Variants in SYNRG observed in about 807,000 individuals in gnomAD.
SYNRG encodes the protein synergin gamma.
Under a neutral mutation model 130.9 loss-of-function variants are expected in SYNRG, and 37 were observed. The ratio of observed to expected loss-of-function variants is 0.28; its 90% CI spans 0.22 to 0.37. The LOEUF is 0.37. SYNRG is among the 10% of genes least tolerant of loss of function. The pLI, the probability that SYNRG is intolerant of heterozygous loss-of-function variation, is 1.00. For synonymous variants in SYNRG, 539 were observed against 568.1 expected (o/e 0.95, Z 0.73); for missense variants, 1,338 against 1,588.9 (o/e 0.84, Z 2.68).
At chr17:37,565,777 C>T (rs1278586264) in intron 11 of SYNRG, among the ~76,000 whole-genome samples, 1 of 148,446 alleles carries the variant, frequency 6.7e-6, no homozygotes, top group Non-Finnish European at 1.5e-5. Flanking sequence ...CCGGCCGCCC[C>T]GTCTGAGAAG....
rs762479254 is a variant in SYNRG, at chr17:37,553,553, G to A, written c.2170C>T (p.Leu724=). The change falls in exon 14 of 22, where the codon CTA becomes TTA. Residue 724 remains leucine, a synonymous_variant. Transcript: ENST00000612223. ...ALKEEASPVP[L]TSNVGSTVKG... The stretch of plus-strand genomic sequence containing the variant: ...ACTGTGCTGCCCACGTTGCTGGTTA[G>A]AGGAACAGGACTGGCTTCCTCTTTA... 2.5e-6 allele frequency: 4 copies of A among 1,614,202 alleles called. 1 individual carries two copies. In the South Asian group the frequency reaches 3.3e-5, roughly 13 times the overall value.
At chr17:37,535,041 A>T (rs1438435861) in intron 19 of SYNRG, among the ~76,000 whole-genome samples, 1 of 152,228 alleles carries the variant, frequency 6.6e-6, no homozygotes, top group East Asian at 1.9e-4. Context: ...TGCCCAATGA[A>T]ATGTAAAAAA....
intron 19 of SYNRG, among the ~76,000 whole-genome samples, chr17:37,526,422 G>A (rs935570975): frequency 3.9e-5 from 6 of 152,198 alleles, no homozygotes; most frequent in African/African-American, 1.4e-4. Context: ...CTAGACACAG[G>A]TTCCATAGGC....
At position 37,542,109 on chromosome 17, in the gene SYNRG, T is replaced by C. The variant is rs1315369080; in HGVS notation, c.3065A>G (p.Asp1022Gly). The change falls in exon 15 of 22, where the codon GAT (aspartate) becomes GGT (glycine). Residue 1022 changes from aspartate to glycine, a missense_variant. Transcript: ENST00000612223. ...TTCACTTTGAAACTCTCCAAAGTCA[T>C]CCGAACATTCGTTCGGGGTTTCTTG... The part of the protein sequence containing the change: ...ASQETPNECS[D>G]DFGEFQSEKP... 6.2e-7 allele frequency: 1 copy of C among 1,614,232 alleles called. No homozygotes were observed. Among genetic ancestry groups the C allele is most frequent in the South Asian group, 1.1e-5 (1 of 91,086 alleles).
At chr17:37,533,046 G>A (rs2056801694) in intron 19 of SYNRG, among the ~76,000 whole-genome samples, 2 of 151,806 alleles carry the variant, frequency 1.3e-5, no homozygotes, top group African/African-American at 4.8e-5. Context: ...TTTTTTGAAG[G>A]CAATGTTGAT....
chr17:37,540,422 G>C lies in SYNRG; in HGVS notation c.3324C>G (p.Pro1108=), dbSNP rs560053275. 3.7e-6 allele frequency: 6 copies of C among 1,613,778 alleles called. No homozygotes were observed. Among genetic ancestry groups the C allele is most frequent in the South Asian group, 1.1e-5 (1 of 91,054 alleles). The change falls in exon 16 of 22, where the codon CCC becomes CCG. Residue 1108 remains proline, a synonymous_variant. Transcript: ENST00000612223. ...SNTLNEKPAL[P]VIRDKYKDLT... ...GGTCTTTGTACTTGTCTCGGATGAC[G>C]GGCAGGGCGGGCTTCTCATTCAGAG... is the stretch of plus-strand genomic sequence containing the variant.
chr17:37,555,365 G>C (rs2145447481), intron 13 of SYNRG, among the ~76,000 whole-genome samples: 1 of 152,348 alleles, frequency 6.6e-6, no homozygotes, highest in East Asian at 1.9e-4. Context: ...GACCTCGGCT[G>C]ATCCACCTGC....
chr17:37,524,471 C>T (rs967798253), intron 19 of SYNRG, among the ~76,000 whole-genome samples: 8 of 152,232 alleles, frequency 5.3e-5, no homozygotes, highest in Admixed American at 2.6e-4. Flanking sequence ...GAAGAACACA[C>T]GGTTTTCAGA....
intron 17 of SYNRG, 178 bp downstream of exon 17, chr17:37,539,014 T>C: frequency 3.1e-6 from 3 of 983,456 alleles, no homozygotes; most frequent in Non-Finnish European, 3.6e-6. Context: ...GGTCTGCTAT[T>C]GTAAGTGTGA....
At chr17:37,551,533 T>A (rs2058706523) in intron 14 of SYNRG, among the ~76,000 whole-genome samples, 1 of 151,248 alleles carries the variant, frequency 6.6e-6, no homozygotes, top group Admixed American at 6.6e-5. Flanking sequence ...ACAAGCTTGG[T>A]CAAAAAAACC....
At chr17:37,576,217 A>AAAAAG (rs1374365076) in intron 8 of SYNRG, 124 bp downstream of exon 8, 6 of 890,586 alleles carry the variant, frequency 6.7e-6, no homozygotes, top group Non-Finnish European at 1.0e-5. Context: ...TCTTTCAGAA[A>AAAAAG]AAAAGAAAAG....
At chr17:37,525,813 A>T (rs2055813345) in intron 19 of SYNRG, among the ~76,000 whole-genome samples, 2 of 152,202 alleles carry the variant, frequency 1.3e-5, no homozygotes, top group African/African-American at 2.4e-5. Context: ...TAAAAATACA[A>T]AAATTAGCCA....
At chr17:37,580,478 C>CGTATGTGTGTGT (rs2061214246) in intron 6 of SYNRG, among the ~76,000 whole-genome samples, 1 of 121,960 alleles carries the variant, frequency 8.2e-6, no homozygotes. Flanking sequence ...CTTTGTATTT[C>CGTATGTGTGTGT]GTGTGTGTGT....
intron 13 of SYNRG, 103 bp from the exon 14 acceptor site, chr17:37,554,162 C>T: frequency 9.8e-7 from 1 of 1,019,034 alleles, no homozygotes; most frequent in Admixed American, 3.0e-5. Flanking sequence ...CTTTTCTCCA[C>T]TGACTTGACA....
chr17:37,532,927 T>C (rs557248757), intron 19 of SYNRG, among the ~76,000 whole-genome samples: 1 of 152,322 alleles, frequency 6.6e-6, no homozygotes, highest in South Asian at 2.1e-4. Context: ...ACACTTAAAA[T>C]GACTTCCACT....
At chr17:37,601,360 CACCTGGT>C (rs2063265976) in intron 1 of SYNRG, among the ~76,000 whole-genome samples, 1 of 152,146 alleles carries the variant, frequency 6.6e-6, no homozygotes, top group African/African-American at 2.4e-5. Flanking sequence ...TGAGCCACCG[CACCTGGT>C]CAAGGGCCTT....
At chr17:37,561,789 A>G (rs2059552959) in intron 11 of SYNRG, among the ~76,000 whole-genome samples, 200 bp from the exon 12 acceptor site, 1 of 151,910 alleles carries the variant, frequency 6.6e-6, no homozygotes, top group African/African-American at 2.4e-5. Flanking sequence ...AAAACAAAAC[A>G]AAAAACATTA....
chr17:37,597,631 T>G (rs1156940948), intron 2 of SYNRG, among the ~76,000 whole-genome samples: 2 of 152,262 alleles, frequency 1.3e-5, no homozygotes, highest in African/African-American at 2.4e-5. Context: ...GCCATCAGCA[T>G]GTGCAATGGC....
intron 1 of SYNRG, among the ~76,000 whole-genome samples, chr17:37,608,500 A>G (rs1246239026): frequency 6.6e-6 from 1 of 152,206 alleles, no homozygotes; most frequent in African/African-American, 2.4e-5. Flanking sequence ...TGTAAAACGT[A>G]CATCTCCCTT....
Sources: gnomAD v4.1 joint callset for allele counts (sites outside exome capture counted in the v4.1 genomes callset) on GRCh38, gnomAD v4.1.1 for gene constraint, MANE v1.5 for transcripts, NCBI Gene and HGNC (gene_info 2026-07-23, HGNC 2026-07-21) for gene names.